The following TMPRSS5 variants were observed in gnomAD, a reference collection of about 807,000 sequenced individuals.
TMPRSS5 encodes transmembrane protease serine 5.
TMPRSS5 carries 45 observed loss-of-function variants against 59.7 expected under a neutral mutation model. That is an observed-to-expected ratio of 0.75 (90% CI 0.59 to 0.97). The LOEUF (loss-of-function observed/expected upper bound fraction) is 0.97, where lower values mean the gene tolerates loss of function less well. Ranked by LOEUF, TMPRSS5 falls within the 50% of genes least tolerant of loss-of-function variation. The pLI is 0.00. For missense variants in TMPRSS5, 585 were observed against 596.7 expected, an observed-to-expected ratio of 0.98 and a Z score of 0.20; for synonymous variants, 225 against 232.0, an observed-to-expected ratio of 0.97 and a Z score of 0.27.
chr11:113,689,311 G>A (rs558773181), intron 12 of TMPRSS5, among the ~76,000 whole-genome samples: 27 of 152,112 alleles, frequency 1.8e-4, no homozygotes, highest in African/African-American at 6.3e-4. Flanking sequence ...AGCTGAGATT[G>A]CACCATTGTA....
At chr11:113,689,991 T>G in intron 11 of TMPRSS5, 74 bp from the exon 12 acceptor site, 1 of 1,422,492 alleles carries the variant, frequency 7.0e-7, no homozygotes, top group Non-Finnish European at 9.4e-7. Flanking sequence ...CAGACCACTA[T>G]GGCAAGTGGA....
intron 2 of TMPRSS5, 130 bp downstream of exon 2, chr11:113,699,936 G>C (rs551825808): frequency 1.3e-6 from 2 of 1,527,908 alleles, no homozygotes; most frequent in Non-Finnish European, 1.8e-6. Flanking sequence ...GCAGGTCTGG[G>C]GATAAAGAGT....
chr11:113,694,393 C>T, intron 8 of TMPRSS5, 85 bp downstream of exon 8: 5 of 1,433,404 alleles, frequency 3.5e-6, no homozygotes, highest in Non-Finnish European at 4.7e-6. Context: ...GACAGTTGGA[C>T]ACGAACATTT....
At chr11:113,699,157 T>C (rs1953017846) in intron 3 of TMPRSS5, 130 bp from the exon 4 acceptor site, 1 of 929,688 alleles carries the variant, frequency 1.1e-6, no homozygotes, top group East Asian at 2.7e-5. Flanking sequence ...TAGCGCTCCA[T>C]CTCTCTCGGC....
At chr11:113,699,235 CTCTCTCTCTCTCTCTCTCTCT>C (rs1953029077) in intron 3 of TMPRSS5, among the ~76,000 whole-genome samples, 1 of 65,670 alleles carries the variant, frequency 1.5e-5, no homozygotes, top group African/African-American at 9.2e-5. Flanking sequence ...CTCTCTCTCT[CTCTCTCTCTCTCTCTCTCTCT>C]CTCTCTCTCT....
At chr11:113,699,980 G>C (rs1437371598) in intron 2 of TMPRSS5, 86 bp downstream of exon 2, 6 of 1,547,368 alleles carry the variant, frequency 3.9e-6, no homozygotes, top group African/African-American at 1.4e-5. Context: ...ATGTGGGGCT[G>C]ACCCCAAGGA....
chr11:113,693,499 A>G (rs1952843774), intron 8 of TMPRSS5: 1 of 358,180 alleles, frequency 2.8e-6, no homozygotes. Context: ...GTCATCTGCA[A>G]CCACCACTCC....
At chr11:113,693,527 T>C in intron 8 of TMPRSS5, 1 of 293,222 alleles carries the variant, frequency 3.4e-6, no homozygotes, top group Non-Finnish European at 6.3e-6. Flanking sequence ...CTGCATAACT[T>C]CCCTCCAAGT....
Position 113,699,016 on chromosome 11 carries a change from A to G in TMPRSS5, c.217T>C (p.Cys73Arg). 6.2e-7 allele frequency: 1 copy of G among 1,611,850 alleles called. No homozygotes were observed. The highest frequency in any genetic ancestry group is 8.5e-7 in the Non-Finnish European group (1 of 1,179,082). ...VGSWLLVLYL[C>R]PAASQPISGT... ...GAAATGGGCTGAGAGGCAGCAGGAC[A>G]CAGATACAGCACTTTAGAGAAGAAC... Residue 73 changes from cysteine (C) to arginine (R), a missense_variant, in exon 4 of 13, where the codon TGT becomes CGT. Coordinates refer to ENST00000299882, the MANE Select transcript of TMPRSS5 (RefSeq NM_030770.4).
intron 6 of TMPRSS5, among the ~76,000 whole-genome samples, chr11:113,696,435 A>G (rs559662206): frequency 6.6e-6 from 1 of 152,310 alleles, no homozygotes; most frequent in East Asian, 1.9e-4. Flanking sequence ...CTTTCCTGAA[A>G]TATCCGAATT....
At chr11:113,691,911 G>A (rs182996878) in intron 9 of TMPRSS5, among the ~76,000 whole-genome samples, 1,056 of 18,630 alleles carry the variant, frequency 0.057, 20 homozygotes, top group African/African-American at 0.34. Context: ...TTTTTGAGAC[G>A]GAGTCTTGCT....
Position 113,695,590 on chromosome 11 carries a change from A to G in TMPRSS5, c.579-147T>C, listed in dbSNP as rs1591380342. ...TAGCCACAGCCTGAAGAATACCACC[A>G]TTTCCTTCCTGCCCCCACCCAAACA... On this transcript the variant is annotated intron_variant, in intron 6 of 12. Coordinates refer to ENST00000299882, the MANE Select transcript of TMPRSS5 (RefSeq NM_030770.4). 6 of 779,424 alleles carry G rather than the reference A, an allele frequency of 7.7e-6. No homozygotes were observed. In the East Asian group the frequency reaches 1.6e-4, roughly 21 times the overall value. 48.3% of individuals were successfully genotyped at this position (779,424 alleles called of 1,614,324 possible).
At chr11:113,697,811 C>A (rs1218554326) in intron 4 of TMPRSS5, among the ~76,000 whole-genome samples, 2 of 152,116 alleles carry the variant, frequency 1.3e-5, no homozygotes, top group African/African-American at 4.8e-5. Context: ...GATTTCAAAT[C>A]TTGTGATAAT....
Position 113,706,202 on chromosome 11 carries a change from G to A in TMPRSS5, c.3+20C>T. The A allele has an allele frequency of 6.3e-7, 1 of 1,596,892 alleles. No homozygotes were observed. The highest frequency in any genetic ancestry group is 8.5e-7 in the Non-Finnish European group (1 of 1,171,908). On this transcript the variant is annotated intron_variant, in intron 1 of 12. Coordinates refer to ENST00000299882, the MANE Select transcript of TMPRSS5 (RefSeq NM_030770.4). ...AGAGAGAGAGGCCACAGCAGGGATG[G>A]CACAGAGACGTAACCTTACCATAGG...
In TMPRSS5 at chr11:113,689,891, G is replaced by A; in HGVS notation, c.1233C>T (p.Cys411=). The A allele has an allele frequency of 6.4e-6, 10 of 1,569,084 alleles. No individual in the cohort carries two copies. The highest frequency in any genetic ancestry group is 8.6e-6 in the Non-Finnish European group (10 of 1,157,202). The change falls in exon 12 of 13, where the codon TGC becomes TGT. Residue 411 remains cysteine (C), a synonymous_variant. Transcript: ENST00000299882. ...CTAGGCGCCATGTGTCCCCATCTGG[G>A]CACACTAGGGGGCCCCCGCTATCTC... ...CQGDSGGPLV[C]PDGDTWRLVG...
intron 2 of TMPRSS5, 91 bp from the exon 3 acceptor site, chr11:113,699,784 C>A: frequency 7.0e-7 from 1 of 1,424,688 alleles, no homozygotes; most frequent in South Asian, 1.2e-5. Flanking sequence ...GCTAGGCACC[C>A]ACAGAGCTCC....
Position 113,698,928 on chromosome 11 carries a change from AGAGCTTCCTCAGCGCTGGCCTCT to A in TMPRSS5, c.282_304del (p.Glu95AlafsTer35). Reference sequence around the variant, plus strand: ...ACCTGTTTTGGGAAGTGCAGGGAGCAGAGCTTCCTCAGCGCTGGCCTCTGAGCAGCTCAAAGTTATCTCCTCAT... The same window carrying A: ...ACCTGTTTTGGGAAGTGCAGGGAGCAGAGCAGCTCAAAGTTATCTCCTCAT... On this transcript the variant is annotated frameshift_variant, in exon 4 of 13. Coordinates refer to ENST00000299882, the MANE Select transcript of TMPRSS5 (RefSeq NM_030770.4). LOFTEE classifies it high-confidence loss of function. 2 of 1,592,614 alleles carry A rather than the reference AGAGCTTCCTCAGCGCTGGCCTCT, an allele frequency of 1.3e-6. No individual in the cohort carries two copies. The highest frequency in any genetic ancestry group is 1.7e-6 in the Non-Finnish European group (2 of 1,169,702).
chr11:113,697,830 C>T (rs1211462690), intron 4 of TMPRSS5, among the ~76,000 whole-genome samples: 1 of 152,132 alleles, frequency 6.6e-6, no homozygotes, highest in Non-Finnish European at 1.5e-5. Context: ...ATAATAATTA[C>T]CAGTTGTTGA....
rs1565257563 is a variant in TMPRSS5 at position 113,693,170 on chromosome 11, C to T, written c.865G>A (p.Ala289Thr). The change falls in exon 9 of 13, where the codon GCT (alanine) becomes ACT (threonine). Residue 289 changes from alanine (A) to threonine (T), a missense_variant. Coordinates refer to ENST00000299882, the MANE Select transcript of TMPRSS5 (RefSeq NM_030770.4). ...TGTGGGATAATCCTCTCCACCAGAG[C>T]CCCTTGGTGGGGCCTGACGGCACTG... The part of the protein sequence containing the change: ...SHSAVRPHQG[A>T]LVERIIPHPL... 2 of 1,603,768 alleles carry T rather than the reference C, an allele frequency of 1.2e-6. No homozygotes were observed. The highest frequency in any genetic ancestry group is 2.3e-5 in the East Asian group (1 of 44,426).
Sources: allele counts gnomAD v4.1 joint callset (sites outside exome capture counted in the v4.1 genomes callset), GRCh38; gene constraint gnomAD v4.1.1; transcripts MANE v1.5; gene names NCBI Gene and HGNC (gene_info 2026-07-23, HGNC 2026-07-21).